Variants in PMM2 observed in about 807,000 individuals in gnomAD.
PMM2 encodes phosphomannomutase 2.
In PMM2, 35 loss-of-function variants were observed where a neutral mutation model predicts 33.2. That is an observed-to-expected ratio of 1.06 (90% CI 0.81 to 1.40). The LOEUF (loss-of-function observed/expected upper bound fraction) is 1.40. Ranked by LOEUF, PMM2 falls within the 40% of genes most tolerant of loss-of-function variation. PMM2 has a pLI of 0.00. For synonymous variants in PMM2, 153 were observed against 114.7 expected, an observed-to-expected ratio of 1.33 and a Z score of -2.13; for missense variants, 386 against 306.0, an observed-to-expected ratio of 1.26 and a Z score of -1.95.
chr16:8,843,443 C>T (rs561111307), intron 7 of PMM2, among the ~76,000 whole-genome samples: 5 of 152,188 alleles, frequency 3.3e-5, no homozygotes, highest in African/African-American at 1.2e-4. Context: ...TTGAACAGTC[C>T]GATTTCCAGT....
chr16:8,836,221 C>G (rs1239721280), intron 7 of PMM2, among the ~76,000 whole-genome samples: 2 of 151,892 alleles, frequency 1.3e-5, no homozygotes, highest in Non-Finnish European at 2.9e-5. Context: ...GTGAGAGTTA[C>G]CCGATGCTCG....
At chr16:8,830,284 T>G (rs916453967) in intron 7 of PMM2, among the ~76,000 whole-genome samples, 12 of 152,164 alleles carry the variant, frequency 7.9e-5, no homozygotes, top group Admixed American at 7.9e-4. Flanking sequence ...CCCCCAAATT[T>G]GTAACCCCCT....
intron 7 of PMM2, chr16:8,832,804 G>C: frequency 1.0e-6 from 1 of 985,392 alleles, no homozygotes; most frequent in Non-Finnish European, 1.2e-6. Context: ...CCCGGCCCCA[G>C]CCCCTGCCCA....
chr16:8,819,258 A>G lies in PMM2; in HGVS notation c.639+6152A>G, dbSNP rs577480590. Among the ~76,000 whole-genome samples the G allele has an allele frequency of 4.2e-3, 636 of 152,364 alleles. 1 individual carries two copies. Among genetic ancestry groups the G allele is most frequent in the Non-Finnish European group, 7.3e-3 (495 of 68,030 alleles). The stretch of plus-strand genomic sequence containing the variant: ...TGGGATGCCATGTAGCTGTAAAAAG[A>G]GTCCATGTGGACCCATCTCTAGGGC... On this transcript the variant is annotated intron_variant, in intron 7 of 7. Transcript: ENST00000268261.
chr16:8,803,077 C>T (rs1235044263), intron 2 of PMM2, among the ~76,000 whole-genome samples: 6 of 152,262 alleles, frequency 3.9e-5, no homozygotes, highest in South Asian at 2.1e-4. Context: ...CGCACACATA[C>T]GGCTATGACT....
intron 7 of PMM2, chr16:8,832,192 GAGTCACAAAGAA>G: frequency 1.0e-6 from 1 of 985,430 alleles, no homozygotes; most frequent in Non-Finnish European, 1.2e-6. Flanking sequence ...CATGCTCTGA[GAGTCACAAAGAA>G]AGAAGCAGAC....
At chr16:8,810,937 A>G (rs922774715) in intron 4 of PMM2, 142 bp from the exon 5 acceptor site, 13 of 692,884 alleles carry the variant, frequency 1.9e-5, no homozygotes, top group South Asian at 3.1e-5. Context: ...CATGGCTACC[A>G]TATTACATAG....
At chr16:8,818,428 G>T (rs2060719600) in intron 7 of PMM2, among the ~76,000 whole-genome samples, 1 of 152,196 alleles carries the variant, frequency 6.6e-6, no homozygotes, top group African/African-American at 2.4e-5. Context: ...CAACCTATCA[G>T]TTCTTGAAAC....
intron 7 of PMM2, chr16:8,842,510 G>C (rs990492990): frequency 6.6e-6 from 1 of 152,248 alleles, no homozygotes; most frequent in African/African-American, 2.4e-5. Context: ...GTCAGGGTCA[G>C]TCCAGGTGAA....
chr16:8,825,471 C>G (rs1197822877), intron 7 of PMM2, among the ~76,000 whole-genome samples: 2 of 151,992 alleles, frequency 1.3e-5, no homozygotes, highest in Non-Finnish European at 2.9e-5. Flanking sequence ...AGGCACCCAC[C>G]ACCACTCCTG....
intron 1 of PMM2, among the ~76,000 whole-genome samples, chr16:8,799,882 A>G (rs1275720751): frequency 6.6e-6 from 1 of 152,222 alleles, no homozygotes; most frequent in African/African-American, 2.4e-5. Context: ...GATTCTGTCT[A>G]ATAGGTCCAG....
chr16:8,814,597 A>G (rs2060695780), intron 7 of PMM2, among the ~76,000 whole-genome samples: 1 of 152,218 alleles, frequency 6.6e-6, no homozygotes, highest in Admixed American at 6.5e-5. Flanking sequence ...TTTCAGAATG[A>G]TAAAACTGAA....
intron 7 of PMM2, among the ~76,000 whole-genome samples, chr16:8,819,696 TAA>T (rs5815501): frequency 7.1e-6 from 1 of 139,982 alleles, no homozygotes. Context: ...CCTCGTCTCT[TAA>T]AAAAAAAAAA....
intron 7 of PMM2, among the ~76,000 whole-genome samples, chr16:8,831,645 TGATA>T (rs1344407615): frequency 6.6e-6 from 1 of 152,224 alleles, no homozygotes; most frequent in East Asian, 1.9e-4. Flanking sequence ...ACGCAGGCTG[TGATA>T]GATCACACTG....
Position 8,842,943 on chromosome 16 carries a change from G to A in PMM2, c.640-4781G>A, listed in dbSNP as rs111671904. Reference sequence around the variant, plus strand: ...ATGTCCCATATTTGTGGGTTAAGGTGGGGGGATATGAGAGGAAGACGCAAA... The same window carrying A: ...ATGTCCCATATTTGTGGGTTAAGGTAGGGGGATATGAGAGGAAGACGCAAA... On this transcript the variant is annotated intron_variant, in intron 7 of 7. Coordinates refer to ENST00000268261, the MANE Select transcript of PMM2 (RefSeq NM_000303.3). Among the ~76,000 whole-genome samples the A allele has an allele frequency of 7.0e-4, 107 of 152,106 alleles. 1 individual carries two copies. In the East Asian group the frequency reaches 0.015, roughly 22 times the overall value.
At chr16:8,815,793 A>C (rs1045144079) in intron 7 of PMM2, among the ~76,000 whole-genome samples, 19 of 152,256 alleles carry the variant, frequency 1.2e-4, no homozygotes, top group Non-Finnish European at 8.8e-5. Flanking sequence ...CAACAAAAGC[A>C]AAACAAACAA....
In PMM2 at chr16:8,811,214, G is replaced by A. The variant is rs373199487; in HGVS notation, c.447+36G>A. 7.6e-6 allele frequency: 10 copies of A among 1,323,084 alleles called. No individual in the cohort carries two copies. The East Asian group carries it at 2.0e-4, about 26-fold the overall frequency. 82.0% of individuals were successfully genotyped at this position (1,323,084 alleles called of 1,614,324 possible). A position where few individuals can be genotyped will look rare whatever the true frequency, so the allele number is the denominator to read the frequency against. The stretch of plus-strand genomic sequence containing the variant: ...CTGAAATATCTTTGGTGAATGGCTG[G>A]GTTTATGGAAATAAGATATGGCCTG... On this transcript the variant is annotated intron_variant, in intron 5 of 7. Transcript: ENST00000268261.
intron 7 of PMM2, among the ~76,000 whole-genome samples, chr16:8,836,915 A>C (rs1305802233): frequency 6.6e-6 from 1 of 151,978 alleles, no homozygotes; most frequent in Non-Finnish European, 1.5e-5. Context: ...CCACCTTTTC[A>C]AGAGTAAATT....
chr16:8,802,307 C>G (rs2060621104), intron 2 of PMM2: 1 of 455,724 alleles, frequency 2.2e-6, no homozygotes. Context: ...AGCACAGGAC[C>G]CCGAAAAACC....
Sources: gnomAD v4.1 joint callset for allele counts (sites outside exome capture counted in the v4.1 genomes callset) on GRCh38, gnomAD v4.1.1 for gene constraint, MANE v1.5 for transcripts, NCBI Gene and HGNC (gene_info 2026-07-23, HGNC 2026-07-21) for gene names.